The following RANBP3 variants were observed in gnomAD, a reference collection of about 807,000 sequenced individuals.
RANBP3 encodes ran-binding protein 3.
A neutral mutation model predicts 77.3 loss-of-function variants in RANBP3; 14 were observed. The ratio of observed to expected loss-of-function variants is 0.18; its 90% CI spans 0.12 to 0.28. RANBP3 has a LOEUF of 0.28. Among genes scored for constraint, RANBP3 ranks in the 10% least tolerant of loss-of-function variants. The pLI, the probability that RANBP3 is intolerant of heterozygous loss-of-function variation, is 1.00. For missense variants in RANBP3, 586 were observed against 752.3 expected (o/e 0.78, Z 2.59); for synonymous variants, 315 against 312.4 (o/e 1.01, Z -0.09).
chr19:5,967,167 C>T (rs1393402721), intron 1 of RANBP3, among the ~76,000 whole-genome samples: 1 of 152,206 alleles, frequency 6.6e-6, no homozygotes, highest in African/African-American at 2.4e-5. Flanking sequence ...ATAGCATGCT[C>T]GGGTTCTCCA....
intron 3 of RANBP3, among the ~76,000 whole-genome samples, chr19:5,944,577 T>C (rs1392471028): frequency 6.6e-6 from 1 of 152,164 alleles, no homozygotes; most frequent in Non-Finnish European, 1.5e-5. Context: ...CAGGCAGCTG[T>C]GAGAAACAAC....
At chr19:5,933,767 C>T (rs1427503558) in intron 5 of RANBP3, 2 of 324,338 alleles carry the variant, frequency 6.2e-6, no homozygotes, top group Admixed American at 5.0e-5. Flanking sequence ...TGACCTGCTG[C>T]AGGCTCAGGA....
At chr19:5,946,728 G>C (rs1322330316) in intron 3 of RANBP3, among the ~76,000 whole-genome samples, 1 of 152,214 alleles carries the variant, frequency 6.6e-6, no homozygotes, top group African/African-American at 2.4e-5. Context: ...AGGAGACGTT[G>C]GAACTTGCTG....
rs926333831 is a variant in RANBP3 at position 5,924,889 on chromosome 19, T to C, written c.934A>G (p.Asn312Asp). The change falls in exon 11 of 17, where the codon AAT becomes GAT. Residue 312 changes from asparagine (N) to aspartate (D), a missense_variant. This residue lies in a region of RANBP3 where 232 missense variants were observed against 271.7 expected (regional missense o/e 0.85). Coordinates refer to ENST00000340578, the MANE Select transcript of RANBP3 (RefSeq NM_007322.3). The surrounding 1 kb of genome is among the most constrained non-coding windows in gnomAD (Gnocchi z 4.7). The stretch of plus-strand genomic sequence containing the variant: ...TTGTTGCTGGAGGCGTCGGCACTAT[T>C]GGTTGAGTTCTCTAAACTGAAGAGA... ...YISSSLENST[N>D]SADASSNKFV... is the part of the protein sequence containing the mutation. The C allele has an allele frequency of 3.1e-6, 5 of 1,614,092 alleles. No individual in the cohort carries two copies. The highest frequency in any genetic ancestry group is 4.2e-6 in the Non-Finnish European group (5 of 1,179,908).
intron 3 of RANBP3, among the ~76,000 whole-genome samples, chr19:5,948,736 G>A (rs1199333903): frequency 1.3e-5 from 2 of 152,120 alleles, no homozygotes; most frequent in Non-Finnish European, 2.9e-5. Flanking sequence ...GGAAGGTGGG[G>A]GGAAGCTGTC....
chr19:5,961,570 T>C (rs893162319), intron 1 of RANBP3, among the ~76,000 whole-genome samples: 4 of 151,966 alleles, frequency 2.6e-5, no homozygotes, highest in Admixed American at 1.3e-4. Context: ...CCTTCTCTAC[T>C]AAAAATACAA....
chr19:5,960,195 T>C (rs1055876082), intron 1 of RANBP3, among the ~76,000 whole-genome samples: 2 of 152,130 alleles, frequency 1.3e-5, no homozygotes, highest in Admixed American at 6.5e-5. Flanking sequence ...TGAGTCAAGC[T>C]TGGCCCAAAG....
intron 8 of RANBP3, 81 bp from the exon 9 acceptor site, chr19:5,928,168 A>C: frequency 6.6e-7 from 1 of 1,517,294 alleles, no homozygotes; most frequent in South Asian, 1.3e-5. Flanking sequence ...ATCCCACACC[A>C]GATCATGTAC....
chr19:5,932,905 C>A, intron 6 of RANBP3: 1 of 306,136 alleles, frequency 3.3e-6, no homozygotes, highest in Non-Finnish European at 6.1e-6. Context: ...CACGTACAGG[C>A]ACATTTTGCA....
At chr19:5,955,796 C>T (rs995292951) in intron 2 of RANBP3, among the ~76,000 whole-genome samples, 5 of 152,224 alleles carry the variant, frequency 3.3e-5, no homozygotes, top group African/African-American at 1.2e-4. Flanking sequence ...CAGCCACAGG[C>T]AACCGCAAAG....
chr19:5,963,281 A>G (rs1296646239), intron 1 of RANBP3, among the ~76,000 whole-genome samples: 2 of 152,232 alleles, frequency 1.3e-5, no homozygotes, highest in African/African-American at 2.4e-5. Context: ...TACGAGGCAC[A>G]GTGGCTCATG....
chr19:5,949,828 T>C (rs1196185394), intron 3 of RANBP3, among the ~76,000 whole-genome samples: 1 of 152,186 alleles, frequency 6.6e-6, no homozygotes, highest in Non-Finnish European at 1.5e-5. Context: ...AACATGGGCC[T>C]CTGTGAGAAG....
At chr19:5,925,227 C>A in intron 10 of RANBP3, 1 of 484,322 alleles carries the variant, frequency 2.1e-6, no homozygotes, top group Non-Finnish European at 3.8e-6. Flanking sequence ...GTAGCATTAC[C>A]CCCAGCCATG....
At position 5,958,010 on chromosome 19, in the gene RANBP3, C is replaced by T; in HGVS notation, c.23-37G>A. The T allele has an allele frequency of 2.5e-6, 4 of 1,578,404 alleles. No homozygotes were observed. Among genetic ancestry groups the T allele is most frequent in the Non-Finnish European group, 3.5e-6 (4 of 1,147,604 alleles). On this transcript the variant is annotated intron_variant, in intron 1 of 16. Transcript: ENST00000340578. This position sits in a 1 kb window ranked among gnomAD's most constrained non-coding sequence, Gnocchi z 4.4. ...AAAATTAGTTTTTTTCCCCCCAACA[C>T]TATATGCATACAGTAAACAAAGCTA...
chr19:5,918,422 G>C, intron 15 of RANBP3, 74 bp downstream of exon 15: 1 of 1,372,128 alleles, frequency 7.3e-7, no homozygotes, highest in Non-Finnish European at 9.6e-7. Context: ...CGTCCTGCCT[G>C]ATCTGTGTGC....
intron 2 of RANBP3, among the ~76,000 whole-genome samples, chr19:5,953,169 A>G (rs921516670): frequency 1.3e-5 from 2 of 152,236 alleles, no homozygotes; most frequent in African/African-American, 2.4e-5. Flanking sequence ...AATGATTTGT[A>G]TAAGTGTTGA....
intron 5 of RANBP3, among the ~76,000 whole-genome samples, chr19:5,937,114 C>T (rs531530505): frequency 2.2e-5 from 3 of 139,206 alleles, no homozygotes; most frequent in East Asian, 2.1e-4. Flanking sequence ...CAGTCGTCAG[C>T]GGGAAACATC....
rs753418456 is a variant in RANBP3 at position 5,978,128 on chromosome 19, T to C, written c.-46A>G. On this transcript the variant is annotated 5_prime_UTR_variant, in exon 1 of 17. Transcript: ENST00000340578. ...CACAAGGCCCCGCGCCGGCCCAGGC[T>C]CGCCTGCTTTCTGCCAGAAACTCCC... 3 of 1,589,772 alleles carry C rather than the reference T, an allele frequency of 1.9e-6. No homozygotes were observed. Among genetic ancestry groups the C allele is most frequent in the Non-Finnish European group, 2.6e-6 (3 of 1,170,468 alleles).
chr19:5,936,695 G>A (rs934720647), intron 5 of RANBP3, among the ~76,000 whole-genome samples: 1 of 152,192 alleles, frequency 6.6e-6, no homozygotes, highest in East Asian at 1.9e-4. Context: ...AATGAACAAC[G>A]GGGACCTGCC....
Sources: allele counts gnomAD v4.1 joint callset (sites outside exome capture counted in the v4.1 genomes callset), GRCh38; gene constraint gnomAD v4.1.1; regional missense constraint gnomAD v4.1.1; non-coding constraint Gnocchi (gnomAD v3.1); transcripts MANE v1.5; gene names NCBI Gene and HGNC (gene_info 2026-07-23, HGNC 2026-07-21).